The following DST variants were observed in gnomAD, a reference collection of about 807,000 sequenced individuals.
The protein encoded by DST is dystonin.
Under a neutral mutation model 875.2 loss-of-function variants are expected in DST, and 253 were observed. That is an observed-to-expected ratio of 0.29 (90% CI 0.26 to 0.32). The LOEUF is 0.32. Ranked by LOEUF, DST falls within the 10% of genes least tolerant of loss-of-function variation. DST has a pLI of 1.00. For synonymous variants in DST, 3,124 were observed against 3,197.1 expected, an observed-to-expected ratio of 0.98 and a Z score of 0.77; for missense variants, 8,287 against 9,111.6, an observed-to-expected ratio of 0.91 and a Z score of 3.68.
chr6:56,742,131 T>C (rs2099549133), intron 4 of DST: 1 of 437,972 alleles, frequency 2.3e-6, no homozygotes, highest in Non-Finnish European at 4.5e-6. Context: ...GCCTCAGAAG[T>C]TGTCCTGATT....
At chr6:56,525,038 C>A (rs930755227) in intron 69 of DST, among the ~76,000 whole-genome samples, 1 of 152,086 alleles carries the variant, frequency 6.6e-6, no homozygotes, top group Non-Finnish European at 1.5e-5. Flanking sequence ...CAGTTAATGA[C>A]CTTGGCATAT....
At chr6:56,847,966 G>C (rs766671602) in intron 4 of DST, among the ~76,000 whole-genome samples, 2 of 152,064 alleles carry the variant, frequency 1.3e-5, no homozygotes, top group African/African-American at 4.8e-5. Context: ...AATGTGTAAC[G>C]ATCAAGTCAG....
Position 56,632,848 on chromosome 6 carries a change from C to A in DST, c.3805+6G>T. The stretch of plus-strand genomic sequence containing the variant: ...GGAAAAAAAGACAGGGATCCCCATG[C>A]TTTACCTCTTTCTGCAGATTTAAGA... On this transcript the variant is annotated splice_donor_region_variant and intron_variant, in intron 28 of 103. Transcript: ENST00000680361. 6.2e-7 allele frequency: 1 copy of A among 1,612,878 alleles called. No homozygotes were observed. Among genetic ancestry groups the A allele is most frequent in the Non-Finnish European group, 8.5e-7 (1 of 1,179,330 alleles).
intron 4 of DST, among the ~76,000 whole-genome samples, chr6:56,750,540 T>G (rs892447018): frequency 6.6e-6 from 1 of 152,096 alleles, no homozygotes; most frequent in South Asian, 2.1e-4. Flanking sequence ...GTCCCTCCTA[T>G]CTATCTTCAT....
chr6:56,826,809 C>T (rs1374588346), intron 4 of DST, among the ~76,000 whole-genome samples: 2 of 152,124 alleles, frequency 1.3e-5, no homozygotes, highest in Non-Finnish European at 2.9e-5. Flanking sequence ...AAATTCTACC[C>T]ACAGGAAAGA....
intron 43 of DST, among the ~76,000 whole-genome samples, chr6:56,602,330 C>A (rs915160054): frequency 2.0e-5 from 3 of 151,892 alleles, no homozygotes; most frequent in Admixed American, 2.0e-4. Context: ...TACACAAAAA[C>A]CACTGTGTCA....
chr6:56,585,216 T>A (rs1456619654), intron 49 of DST, among the ~76,000 whole-genome samples: 1 of 152,248 alleles, frequency 6.6e-6, no homozygotes, highest in African/African-American at 2.4e-5. Flanking sequence ...TGTGAATCCA[T>A]CTGGTCCTGG....
chr6:56,875,206 G>A (rs924676363), intron 3 of DST, among the ~76,000 whole-genome samples: 6 of 151,996 alleles, frequency 3.9e-5, no homozygotes, highest in Non-Finnish European at 7.4e-5. Flanking sequence ...GGATGGTCTC[G>A]ATCTCCTGGC....
chr6:56,609,383 C>T (rs1009270745), intron 39 of DST, 39 bp from the exon 40 acceptor site: 3 of 1,452,036 alleles, frequency 2.1e-6, no homozygotes, highest in Non-Finnish European at 2.8e-6. Flanking sequence ...CACTCTGTTA[C>T]ACAAGGGTGG....
chr6:56,606,370 A>G lies in DST; in HGVS notation c.8258T>C (p.Phe2753Ser), dbSNP rs1397991931. The change falls in exon 40 of 104, where the codon TTC becomes TCC. Residue 2753 changes from phenylalanine to serine, a missense_variant. Physicochemically the swap from Phe to Ser is radical, Grantham distance 155. This residue lies in a region of DST where 3,138 missense variants were observed against 3,116.6 expected (regional missense o/e 1.01). Transcript: ENST00000680361. ...GTCATCAAATTTTAATGATGCAGTGAAGCTCTCTTTTCCTCCTACAATATC... is the reference window on the plus strand; with the variant it reads ...GTCATCAAATTTTAATGATGCAGTGGAGCTCTCTTTTCCTCCTACAATATC... Reference protein sequence around the residue: ...DYDIVGGKESFTASLKFDDSG... With the variant: ...DYDIVGGKESSTASLKFDDSG... 6.2e-7 allele frequency: 1 copy of G among 1,613,328 alleles called. No individual in the cohort carries two copies. Among genetic ancestry groups the G allele is most frequent in the East Asian group, 2.2e-5 (1 of 44,854 alleles).
rs1209374429 is a variant in DST at position 56,895,986 on chromosome 6, C to G, written c.417+4435G>C. Among the ~76,000 whole-genome samples, 5 of 58,580 alleles carry G rather than the reference C, an allele frequency of 8.5e-5. 1 individual carries two copies. The highest frequency in any genetic ancestry group is 4.7e-4 in the South Asian group (1 of 2,108). The allele number at this position is 58,580 out of a possible 152,430, so 38.4% of individuals were successfully genotyped here. Reference sequence around the variant, plus strand: ...GCAGCAGTACCGTCCAGCTTTGGCTCGGCATGAGAGGGAGAGGGAGACGGG... The same window carrying G: ...GCAGCAGTACCGTCCAGCTTTGGCTGGGCATGAGAGGGAGAGGGAGACGGG... On this transcript the variant is annotated intron_variant, in intron 3 of 103. Transcript: ENST00000680361.
At chr6:56,485,532 C>G in intron 87 of DST, 61 bp from the exon 88 acceptor site, 1 of 1,506,788 alleles carries the variant, frequency 6.6e-7, no homozygotes, top group South Asian at 1.2e-5. Context: ...TATATCTGAA[C>G]ATCTAAAATT....
chr6:56,872,035 C>T (rs1006702094), intron 3 of DST, among the ~76,000 whole-genome samples: 6 of 152,090 alleles, frequency 3.9e-5, no homozygotes, highest in Admixed American at 2.6e-4. Context: ...TCATGTATGT[C>T]CAGCGATTCT....
At chr6:56,706,313 C>CAAAA (rs201903761) in intron 5 of DST, among the ~76,000 whole-genome samples, 1 of 119,702 alleles carries the variant, frequency 8.4e-6, no homozygotes. Context: ...GACTCCGTCT[C>CAAAA]AAAAAAAAAA....
chr6:56,607,618 C>T lies in DST; in HGVS notation c.7010G>A (p.Ser2337Asn). The T allele has an allele frequency of 6.2e-7, 1 of 1,613,344 alleles. No homozygotes were observed. The highest frequency in any genetic ancestry group is 8.5e-7 in the Non-Finnish European group (1 of 1,179,614). Residue 2337 changes from serine to asparagine, a missense_variant, in exon 40 of 104, where the codon AGT becomes AAT. Ser to Asn is a conservative substitution (Grantham distance 46, BLOSUM62 1). Around this residue, in one of 10 missense-constraint regions of DST, gnomAD observed 3,138 missense variants for 3,116.6 expected, o/e 1.01. Transcript: ENST00000680361. ...TGATATGAGACTGGGAACACACACA[C>T]TGGGTGAACTGTTAACTTTAGGATC... is the stretch of plus-strand genomic sequence containing the variant. Reference protein sequence around the residue: ...SIDPKVNSSPSVCVPSLISYL... With the variant: ...SIDPKVNSSPNVCVPSLISYL...
intron 4 of DST, among the ~76,000 whole-genome samples, chr6:56,808,581 T>C (rs1590896895): frequency 6.6e-6 from 1 of 152,224 alleles, no homozygotes; most frequent in African/African-American, 2.4e-5. Context: ...TTATCCACAA[T>C]TGAGCTAACC....
chr6:56,872,473 G>A (rs1777651647), intron 3 of DST, among the ~76,000 whole-genome samples: 1 of 152,128 alleles, frequency 6.6e-6, no homozygotes, highest in South Asian at 2.1e-4. Context: ...AGTGAGCTAT[G>A]ATGGCACCAC....
At chr6:56,803,678 T>C (rs1009984784) in intron 4 of DST, among the ~76,000 whole-genome samples, 7 of 152,152 alleles carry the variant, frequency 4.6e-5, no homozygotes, top group African/African-American at 1.7e-4. Flanking sequence ...CAAAGTCAAC[T>C]CCCATCCTGA....
At chr6:56,786,796 T>A (rs980266450) in intron 4 of DST, among the ~76,000 whole-genome samples, 1 of 152,170 alleles carries the variant, frequency 6.6e-6, no homozygotes, top group Admixed American at 6.5e-5. Context: ...GTGCTGGGAT[T>A]ACGTGGGAAT....
Sources: allele counts gnomAD v4.1 joint callset (sites outside exome capture counted in the v4.1 genomes callset), GRCh38; gene constraint gnomAD v4.1.1; regional missense constraint gnomAD v4.1.1; transcripts MANE v1.5; gene names NCBI Gene and HGNC (gene_info 2026-07-23, HGNC 2026-07-21).